Variants in CTNNA2 observed in about 807,000 individuals in gnomAD.
The protein encoded by CTNNA2 is catenin alpha 2.
CTNNA2 carries 42 observed loss-of-function variants against 101.0 expected under a neutral mutation model. The observed-to-expected ratio is 0.42, with a 90% CI of 0.32 to 0.54. The LOEUF (loss-of-function observed/expected upper bound fraction) is 0.54, where lower values mean the gene tolerates loss of function less well. Among genes scored for constraint, CTNNA2 ranks in the 20% least tolerant of loss-of-function variants. The pLI, the probability that CTNNA2 is intolerant of heterozygous loss-of-function variation, is 0.14. For synonymous variants in CTNNA2, 450 were observed against 456.4 expected (o/e 0.99, Z 0.18); for missense variants, 871 against 1,223.1 (o/e 0.71, Z 4.29).
intron 2 of CTNNA2, among the ~76,000 whole-genome samples, chr2:79,291,953 G>T (rs1675831177): frequency 6.6e-6 from 1 of 152,084 alleles, no homozygotes; most frequent in African/African-American, 2.4e-5. Context: ...GGATTGAGGG[G>T]GATGTTTGCA....
chr2:79,997,476 A>AT (rs1447898294), intron 7 of CTNNA2, among the ~76,000 whole-genome samples: 1 of 151,924 alleles, frequency 6.6e-6, no homozygotes, highest in East Asian at 1.9e-4. Context: ...ACCCTGCAGG[A>AT]TTTTTCTGTT....
intron 6 of CTNNA2, among the ~76,000 whole-genome samples, chr2:79,895,911 T>G (rs568212432): frequency 6.6e-6 from 1 of 152,234 alleles, no homozygotes; most frequent in Admixed American, 6.5e-5. Flanking sequence ...GACCCTGGCT[T>G]AATCAAATCT....
chr2:80,418,890 G>A (rs1158746793), intron 8 of CTNNA2, among the ~76,000 whole-genome samples: 1 of 152,140 alleles, frequency 6.6e-6, no homozygotes, highest in Non-Finnish European at 1.5e-5. Context: ...ATAATTATAA[G>A]TATTTCTGGA....
At chr2:79,204,657 A>C (rs1433048017) in intron 2 of CTNNA2, among the ~76,000 whole-genome samples, 1 of 152,220 alleles carries the variant, frequency 6.6e-6, no homozygotes, top group Non-Finnish European at 1.5e-5. Context: ...TTTAAAAAAT[A>C]GAAATTTATG....
intron 2 of CTNNA2, among the ~76,000 whole-genome samples, chr2:79,688,956 T>C (rs1158636990): frequency 1.3e-5 from 2 of 151,982 alleles, no homozygotes; most frequent in East Asian, 3.9e-4. Context: ...AGGCCTCAAC[T>C]AGAAAGATTC....
chr2:80,591,934 T>C (rs1391361315), intron 15 of CTNNA2, among the ~76,000 whole-genome samples: 1 of 152,136 alleles, frequency 6.6e-6, no homozygotes, highest in Non-Finnish European at 1.5e-5. Context: ...TTCCATCTCA[T>C]GGACAATGGC....
intron 3 of CTNNA2, among the ~76,000 whole-genome samples, chr2:79,792,172 G>A (rs1174063099): frequency 6.6e-6 from 1 of 152,080 alleles, no homozygotes; most frequent in African/African-American, 2.4e-5. Flanking sequence ...GAGGTCTTGT[G>A]TTAGATACAG....
At chr2:80,091,552 C>T (rs1405775444) in intron 7 of CTNNA2, among the ~76,000 whole-genome samples, 1 of 152,060 alleles carries the variant, frequency 6.6e-6, no homozygotes, top group African/African-American at 2.4e-5. Context: ...TACTCTCCGC[C>T]TGCAGTCTGG....
intron 7 of CTNNA2, among the ~76,000 whole-genome samples, chr2:80,369,400 C>G (rs1006009651): frequency 4.6e-5 from 7 of 152,036 alleles, no homozygotes; most frequent in African/African-American, 1.7e-4. Flanking sequence ...TTCTAGGAAC[C>G]TGTTCTACGC....
intron 9 of CTNNA2, among the ~76,000 whole-genome samples, chr2:80,476,187 A>C (rs1218446756): frequency 6.6e-6 from 1 of 152,090 alleles, no homozygotes; most frequent in Non-Finnish European, 1.5e-5. Context: ...ATTCACCCCC[A>C]AGGAGGCAAA....
At chr2:80,222,476 G>C (rs2149057078) in intron 7 of CTNNA2, among the ~76,000 whole-genome samples, 1 of 152,264 alleles carries the variant, frequency 6.6e-6, no homozygotes, top group South Asian at 2.1e-4. Flanking sequence ...CTAAAGGTTA[G>C]GGTGAAGGAA....
At chr2:79,987,087 T>A (rs982915273) in intron 7 of CTNNA2, among the ~76,000 whole-genome samples, 1 of 149,804 alleles carries the variant, frequency 6.7e-6, no homozygotes, top group Non-Finnish European at 1.5e-5. Context: ...TGGAACCACT[T>A]TTTTTCCCCA....
intron 4 of CTNNA2, among the ~76,000 whole-genome samples, chr2:79,426,112 C>T (rs1244892369): frequency 1.3e-5 from 2 of 152,126 alleles, no homozygotes; most frequent in African/African-American, 4.8e-5. Flanking sequence ...AATAAGACCA[C>T]CATTCCCTGA....
At chr2:79,886,825 TTTTG>T (rs1683917363) in intron 6 of CTNNA2, among the ~76,000 whole-genome samples, 5 of 146,956 alleles carry the variant, frequency 3.4e-5, no homozygotes, top group Admixed American at 3.4e-4. Flanking sequence ...GTTGTCGTTG[TTTTG>T]TTTGTTTTTG....
chr2:80,238,625 A>G (rs1234060452), intron 7 of CTNNA2, among the ~76,000 whole-genome samples: 1 of 152,198 alleles, frequency 6.6e-6, no homozygotes, highest in Non-Finnish European at 1.5e-5. Flanking sequence ...GACAAGTCCC[A>G]TAGCTTAACT....
intron 7 of CTNNA2, among the ~76,000 whole-genome samples, chr2:80,387,722 A>C (rs1444998370): frequency 1.3e-5 from 2 of 152,184 alleles, no homozygotes; most frequent in African/African-American, 4.8e-5. Flanking sequence ...TGGGAGAATA[A>C]AGGATCTCCT....
intron 7 of CTNNA2, among the ~76,000 whole-genome samples, chr2:80,220,378 T>C (rs1183460773): frequency 1.3e-5 from 2 of 152,226 alleles, no homozygotes; most frequent in Non-Finnish European, 2.9e-5. Context: ...CGTTTTTTCC[T>C]TCTGCCTCAA....
chr2:80,170,473 C>A (rs1704985330), intron 7 of CTNNA2, among the ~76,000 whole-genome samples: 2 of 152,136 alleles, frequency 1.3e-5, no homozygotes, highest in Non-Finnish European at 2.9e-5. Flanking sequence ...TGGGTGTACT[C>A]AGCCAGTGGC....
chr2:80,084,439 G>A (rs1248283527), intron 7 of CTNNA2, among the ~76,000 whole-genome samples: 1 of 151,918 alleles, frequency 6.6e-6, no homozygotes, highest in African/African-American at 2.4e-5. Flanking sequence ...ATCTTTAATT[G>A]ACTCCAAATC....
Sources: allele counts gnomAD v4.1 joint callset (sites outside exome capture counted in the v4.1 genomes callset), GRCh38; gene constraint gnomAD v4.1.1; transcripts MANE v1.5; gene names NCBI Gene and HGNC (gene_info 2026-07-23, HGNC 2026-07-21).